Variants in ASAP3 observed in about 807,000 individuals in gnomAD.
ASAP3 encodes arf-GAP with SH3 domain, ANK repeat and PH domain-containing protein 3.
Under a neutral mutation model 118.2 loss-of-function variants are expected in ASAP3, and 85 were observed. The ratio of observed to expected loss-of-function variants is 0.72; its 90% CI spans 0.60 to 0.86. The LOEUF (loss-of-function observed/expected upper bound fraction) is 0.86, where lower values mean the gene tolerates loss of function less well. Among genes scored for constraint, ASAP3 ranks in the 40% least tolerant of loss-of-function variants. The pLI, the probability that ASAP3 is intolerant of heterozygous loss-of-function variation, is 0.00. For synonymous variants in ASAP3, 432 were observed against 477.4 expected (o/e 0.90, Z 1.24); for missense variants, 1,026 against 1,175.0 (o/e 0.87, Z 1.85).
chr1:23,468,906 T>A (rs1570401958), intron 1 of ASAP3, among the ~76,000 whole-genome samples: 1 of 130,658 alleles, frequency 7.7e-6, no homozygotes, highest in South Asian at 2.4e-4. Flanking sequence ...AATACCTGAA[T>A]GAGCAAACCA....
At chr1:23,478,925 A>G (rs779593017) in intron 1 of ASAP3, among the ~76,000 whole-genome samples, 34 of 152,250 alleles carry the variant, frequency 2.2e-4, no homozygotes, top group Middle Eastern at 3.4e-3. Context: ...AATAAAGAGG[A>G]ATCGCCATAG....
rs748588184 is a variant in ASAP3 at position 23,431,734 on chromosome 1, C to T, written c.2508G>A (p.Gly836=). 12 of 1,521,842 alleles carry T rather than the reference C, an allele frequency of 7.9e-6. No homozygotes were observed. Among genetic ancestry groups the T allele is most frequent in the Non-Finnish European group, 1.1e-5 (12 of 1,140,242 alleles). The allele number at this position is 1,521,842 out of a possible 1,614,324, so 94.3% of individuals were successfully genotyped here. The change falls in exon 23 of 25, where the codon GGG becomes GGA. Residue 836 remains glycine (G), a synonymous_variant. Coordinates refer to ENST00000336689, the MANE Select transcript of ASAP3 (RefSeq NM_017707.4). ...PGTSRPSLTS[G]TTPSEMYLPV... ...GGAGGTACATCTCCGAAGGGGTGGT[C>T]CCGGATGTCAGGCTGGGTCTGGAGG...
In ASAP3 at chr1:23,436,020, C is replaced by A. The variant is rs1640640127; in HGVS notation, c.1580G>T (p.Arg527Leu). Residue 527 changes from arginine to leucine, a missense_variant, in exon 17 of 25, where the codon CGC becomes CTC. Transcript: ENST00000336689. The surrounding 1 kb of genome is among the most constrained non-coding windows in gnomAD (Gnocchi z 4.2). ...ATACTTGGCCATAATGTAGTCCCTG[C>A]GGGTGCCCCTACCAAAAACAACCAC... ...KPSAESDMGT[R>L]RDYIMAKYVE... 6.2e-7 allele frequency: 1 copy of A among 1,613,928 alleles called. No individual in the cohort carries two copies.
intron 5 of ASAP3, among the ~76,000 whole-genome samples, chr1:23,447,408 G>A (rs1641081394): frequency 6.6e-6 from 1 of 152,100 alleles, no homozygotes; most frequent in African/African-American, 2.4e-5. Context: ...CGTATATATA[G>A]GAAAAAGCAC....
At chr1:23,478,162 C>T (rs61778888) in intron 1 of ASAP3, among the ~76,000 whole-genome samples, 15,247 of 152,320 alleles carry the variant, frequency 0.1, 868 homozygotes, top group Non-Finnish European at 0.13. Context: ...ATTCTAATCT[C>T]ATCTTTTAAA....
At position 23,437,528 on chromosome 1, in the gene ASAP3, G is replaced by A. The variant is rs1344917431; in HGVS notation, c.1103-56C>T. 6.2e-7 allele frequency: 1 copy of A among 1,603,968 alleles called. No individual in the cohort carries two copies. Among genetic ancestry groups the A allele is most frequent in the Admixed American group, 1.7e-5 (1 of 58,798 alleles). On this transcript the variant is annotated intron_variant, in intron 12 of 24. Coordinates refer to ENST00000336689, the MANE Select transcript of ASAP3 (RefSeq NM_017707.4). The surrounding 1 kb of genome is among the most constrained non-coding windows in gnomAD (Gnocchi z 6.1). The stretch of plus-strand genomic sequence containing the variant: ...CAGAAATGCTGCTGGCCTTCCCGGA[G>A]CCCAGGGAGCCCCCACCAAAGCCGC...
Position 23,465,730 on chromosome 1 carries a change from G to A in ASAP3, c.130-9536C>T, listed in dbSNP as rs368271819. ...TTGACCAGGCTGGTCTCGAACTCCC[G>A]ACCTCAGATGATCTGCCCACCTCGG... On this transcript the variant is annotated intron_variant, in intron 1 of 24. Transcript: ENST00000336689. Among the ~76,000 whole-genome samples, 63 of 152,094 alleles carry A rather than the reference G, an allele frequency of 4.1e-4. 2 individuals are homozygous for A. The South Asian group carries it at 0.011, about 28-fold the overall frequency.
At chr1:23,458,556 C>T (rs185242523) in intron 1 of ASAP3, among the ~76,000 whole-genome samples, 3 of 152,138 alleles carry the variant, frequency 2.0e-5, no homozygotes, top group East Asian at 3.9e-4. Context: ...GCCCTGATTG[C>T]GCCACTGCAC....
At chr1:23,431,159 T>C (rs772255417) in intron 23 of ASAP3, 34 bp from the exon 24 acceptor site, 39 of 1,555,028 alleles carry the variant, frequency 2.5e-5, no homozygotes, top group Non-Finnish European at 3.2e-5. Flanking sequence ...ATGACCCTCA[T>C]GTCCAGAGAG....
At chr1:23,448,438 C>T (rs1170023352) in intron 5 of ASAP3, among the ~76,000 whole-genome samples, 5 of 152,092 alleles carry the variant, frequency 3.3e-5, no homozygotes, top group Non-Finnish European at 7.4e-5. Flanking sequence ...AAAGTAGAAG[C>T]TGCTATTATT....
intron 24 of ASAP3, 86 bp from the exon 25 acceptor site, chr1:23,430,016 T>C (rs1196466508): frequency 9.1e-6 from 10 of 1,097,880 alleles, no homozygotes; most frequent in Non-Finnish European, 1.3e-5. Context: ...ATCTGTCCTA[T>C]TGTAGATAAA....
rs368585298 is a variant in ASAP3 at position 23,433,507 on chromosome 1, A to G, written c.2045T>C (p.Phe682Ser). 3 of 1,613,996 alleles carry G rather than the reference A, an allele frequency of 1.9e-6. No individual in the cohort carries two copies. Among genetic ancestry groups the G allele is most frequent in the Non-Finnish European group, 2.5e-6 (3 of 1,180,022 alleles). ...GTAGTCCACATGTAGAGGGAAGGCA[A>G]AGGTCCCCGCCTGGGCCTGCTCCAG... ...ELLEQAQAGT[F>S]AFPLHVDYSW... Residue 682 changes from phenylalanine (F) to serine (S), a missense_variant, in exon 21 of 25, where the codon TTT becomes TCT. Phe to Ser is a radical substitution (Grantham distance 155, BLOSUM62 -2). Coordinates refer to ENST00000336689, the MANE Select transcript of ASAP3 (RefSeq NM_017707.4).
At chr1:23,463,188 C>T (rs1177197811) in intron 1 of ASAP3, among the ~76,000 whole-genome samples, 1 of 152,082 alleles carries the variant, frequency 6.6e-6, no homozygotes, top group Non-Finnish European at 1.5e-5. Context: ...AAGACATGGC[C>T]CCTTCCTTCA....
rs987899392 is a variant in ASAP3, at chr1:23,437,226, C to T, written c.1246G>A (p.Gly416Ser). Residue 416 changes from glycine (G) to serine (S), a missense_variant, in exon 14 of 25, where the codon GGC (glycine) becomes AGC (serine). Gly to Ser is a moderately conservative substitution (Grantham distance 56). Coordinates refer to ENST00000336689, the MANE Select transcript of ASAP3 (RefSeq NM_017707.4). The surrounding 1 kb of genome is among the most constrained non-coding windows in gnomAD (Gnocchi z 6.1). ...SAGPGSWGSA[G>S]HDGEPHDLTK... ...AGGTCGTGCGGCTCCCCATCATGGC[C>T]GGCGGACCCCCAGGACCCCGGGCCA... The T allele has an allele frequency of 1.3e-6, 2 of 1,595,944 alleles. No individual in the cohort carries two copies. The highest frequency in any genetic ancestry group is 1.3e-5 in the African/African-American group (1 of 74,792).
In ASAP3 at chr1:23,442,445, G is replaced by A. The variant is rs189465169; in HGVS notation, c.585+56C>T. On this transcript the variant is annotated intron_variant, in intron 6 of 24. Coordinates refer to ENST00000336689, the MANE Select transcript of ASAP3 (RefSeq NM_017707.4). ...GAGGCTGTGACTGGTCCCCTGGAGAGGCAGACAGGAAGACACATCCCACGC... is the reference window on the plus strand; with the variant it reads ...GAGGCTGTGACTGGTCCCCTGGAGAAGCAGACAGGAAGACACATCCCACGC... 658 of 1,600,528 alleles carry A rather than the reference G, an allele frequency of 4.1e-4. 10 individuals are homozygous for A. In the African/African-American group the frequency reaches 7.8e-3, roughly 19 times the overall value.
chr1:23,434,478 GAAGGA>G, intron 18 of ASAP3, 50 bp downstream of exon 18: 1 of 1,605,274 alleles, frequency 6.2e-7, no homozygotes, highest in Non-Finnish European at 8.5e-7. Flanking sequence ...GGGAGAAGAG[GAAGGA>G]AAGGAGAGGG....
chr1:23,460,506 C>CAA (rs71023213), intron 1 of ASAP3, among the ~76,000 whole-genome samples: 14 of 84,786 alleles, frequency 1.7e-4, no homozygotes, highest in Non-Finnish European at 2.5e-4. Flanking sequence ...GACTCCATCT[C>CAA]AAAAAAAAAA....
chr1:23,484,411 C>T (rs1215074878), upstream of ASAP3: 1 of 243,286 alleles, frequency 4.1e-6, no homozygotes, highest in Non-Finnish European at 7.7e-6. Context: ...TCGCCGGCCC[C>T]CTAGGCCACG....
In ASAP3 at chr1:23,437,580, A is replaced by T; in HGVS notation, c.1103-108T>A. ...GGGGCCACATGGAGATGTGTCCCTG[A>T]CAAGTCGGACTCTCAAGCTAGGAGT... On this transcript the variant is annotated intron_variant, in intron 12 of 24. Coordinates refer to ENST00000336689, the MANE Select transcript of ASAP3 (RefSeq NM_017707.4). This position sits in a 1 kb window ranked among gnomAD's most constrained non-coding sequence, Gnocchi z 6.1. The T allele has an allele frequency of 7.5e-7, 1 of 1,341,808 alleles. No individual in the cohort carries two copies. The allele number at this position is 1,341,808 out of a possible 1,614,324, so 83.1% of individuals were successfully genotyped here.
Sources: allele counts gnomAD v4.1 joint callset (sites outside exome capture counted in the v4.1 genomes callset), GRCh38; gene constraint gnomAD v4.1.1; non-coding constraint Gnocchi (gnomAD v3.1); transcripts MANE v1.5; gene names NCBI Gene and HGNC (gene_info 2026-07-23, HGNC 2026-07-21).